Variants in GRID1 observed in about 807,000 individuals in gnomAD.
The protein encoded by GRID1 is glutamate ionotropic receptor delta type subunit 1.
GRID1 carries 28 observed loss-of-function variants against 98.0 expected under a neutral mutation model. That is an observed-to-expected ratio of 0.29 (90% CI 0.21 to 0.39). The LOEUF (loss-of-function observed/expected upper bound fraction) is 0.39. Among genes scored for constraint, GRID1 ranks in the 10% least tolerant of loss-of-function variants. The probability of loss-of-function intolerance (pLI) is 1.00; values close to 1 mark genes in which losing one functional copy is unlikely to be tolerated. For missense variants in GRID1, 1,111 were observed against 1,340.5 expected (o/e 0.83, Z 2.67); for synonymous variants, 553 against 538.5 (o/e 1.03, Z -0.37).
intron 4 of GRID1, among the ~76,000 whole-genome samples, chr10:85,990,730 C>T (rs530730387): frequency 1.3e-5 from 2 of 152,144 alleles, no homozygotes; most frequent in South Asian, 2.1e-4. Flanking sequence ...ATGGAGGCCT[C>T]TAAAAGGAGC....
intron 13 of GRID1, among the ~76,000 whole-genome samples, chr10:85,630,530 A>G (rs1043480796): frequency 1.3e-5 from 2 of 152,274 alleles, no homozygotes; most frequent in Admixed American, 1.3e-4. Flanking sequence ...CTAGTAAATT[A>G]GAAAAACTGT....
intron 2 of GRID1, among the ~76,000 whole-genome samples, chr10:86,321,891 C>G (rs978683168): frequency 2.0e-5 from 3 of 152,086 alleles, no homozygotes; most frequent in African/African-American, 7.2e-5. Context: ...CAACAGAAAC[C>G]TTCAAACACA....
At chr10:86,083,007 T>C (rs925627253) in intron 4 of GRID1, among the ~76,000 whole-genome samples, 4 of 152,192 alleles carry the variant, frequency 2.6e-5, no homozygotes, top group African/African-American at 9.7e-5. Flanking sequence ...TTCTGGAGGA[T>C]GAAAGATGTC....
chr10:86,041,322 A>T (rs1564657359), intron 4 of GRID1, among the ~76,000 whole-genome samples: 1 of 152,206 alleles, frequency 6.6e-6, no homozygotes, highest in South Asian at 2.1e-4. Flanking sequence ...CAACAGAGCA[A>T]AATGTGCATC....
chr10:85,819,461 T>C (rs181326756), intron 8 of GRID1, among the ~76,000 whole-genome samples: 1 of 152,244 alleles, frequency 6.6e-6, no homozygotes, highest in East Asian at 1.9e-4. Context: ...TGACAAAAAC[T>C]AGTAACTTTA....
intron 4 of GRID1, among the ~76,000 whole-genome samples, chr10:85,975,109 T>C (rs1842454993): frequency 1.3e-5 from 2 of 152,370 alleles, no homozygotes; most frequent in South Asian, 2.1e-4. Context: ...ATTCTCATCA[T>C]TTGCCCAAAT....
chr10:85,784,286 G>C (rs1440242976), intron 8 of GRID1, among the ~76,000 whole-genome samples: 1 of 152,156 alleles, frequency 6.6e-6, no homozygotes, highest in Non-Finnish European at 1.5e-5. Flanking sequence ...CTGAGGCTCT[G>C]ACTACATAAA....
intron 5 of GRID1, among the ~76,000 whole-genome samples, chr10:85,886,724 A>C (rs1160977700): frequency 6.6e-6 from 1 of 152,236 alleles, no homozygotes; most frequent in Non-Finnish European, 1.5e-5. Context: ...AAAGCCACAA[A>C]TAAAATAGTA....
chr10:85,720,812 A>C (rs1024253408), intron 12 of GRID1, among the ~76,000 whole-genome samples: 3 of 152,186 alleles, frequency 2.0e-5, no homozygotes, highest in African/African-American at 7.2e-5. Flanking sequence ...TCAGGCTAGG[A>C]AAAGACTTGA....
At chr10:86,215,773 C>G (rs190473692) in intron 2 of GRID1, among the ~76,000 whole-genome samples, 46 of 152,316 alleles carry the variant, frequency 3.0e-4, no homozygotes, top group African/African-American at 9.4e-4. Flanking sequence ...GCCAACTGGT[C>G]TCCCTGCCTC....
At position 85,960,995 on chromosome 10, in the gene GRID1, G is replaced by C. The variant is rs574861116; in HGVS notation, c.727-44756C>G. ...GGCTCGGTGGTAGAGTCGCACGGAG[G>C]CTGGCAAGGAGCTCTCTGTGGTGTC... On this transcript the variant is annotated intron_variant, in intron 4 of 15. Coordinates refer to ENST00000327946, the MANE Select transcript of GRID1 (RefSeq NM_017551.3). Among the ~76,000 whole-genome samples, 18 of 152,002 alleles carry C rather than the reference G, an allele frequency of 1.2e-4. No individual in the cohort carries two copies. In the South Asian group the frequency reaches 3.8e-3, roughly 32 times the overall value.
intron 13 of GRID1, among the ~76,000 whole-genome samples, chr10:85,641,608 G>A (rs1422106994): frequency 6.6e-6 from 1 of 152,234 alleles, no homozygotes; most frequent in African/African-American, 2.4e-5. Flanking sequence ...GTGAACCTTA[G>A]CCAAGTCACT....
intron 4 of GRID1, among the ~76,000 whole-genome samples, chr10:86,079,067 G>A (rs570989239): frequency 1.1e-4 from 16 of 152,258 alleles, no homozygotes; most frequent in African/African-American, 2.6e-4. Flanking sequence ...CTCATCCCCC[G>A]CACACAGCAT....
intron 4 of GRID1, among the ~76,000 whole-genome samples, chr10:86,034,834 T>C (rs1564655677): frequency 6.6e-6 from 1 of 151,816 alleles, no homozygotes; most frequent in Non-Finnish European, 1.5e-5. Context: ...TACTGATGAA[T>C]GGATGCAATG....
intron 3 of GRID1, among the ~76,000 whole-genome samples, chr10:86,172,068 C>T (rs60441367): frequency 6.6e-6 from 1 of 151,950 alleles, no homozygotes; most frequent in Non-Finnish European, 1.5e-5. Context: ...TATATTCAGA[C>T]TCTTGCAACC....
chr10:85,856,513 G>T (rs181178017), intron 6 of GRID1, among the ~76,000 whole-genome samples: 63 of 152,328 alleles, frequency 4.1e-4, no homozygotes, highest in African/African-American at 1.1e-3. Context: ...TGGAGGGAAG[G>T]ATAAGCAGAA....
intron 5 of GRID1, among the ~76,000 whole-genome samples, chr10:85,874,628 C>T (rs934007563): frequency 2.6e-5 from 4 of 152,126 alleles, no homozygotes; most frequent in African/African-American, 7.2e-5. Flanking sequence ...ATCTTCTCCA[C>T]GTTCAGGAAT....
chr10:85,822,900 A>T (rs1008881378), intron 8 of GRID1, among the ~76,000 whole-genome samples: 17 of 152,230 alleles, frequency 1.1e-4, no homozygotes, highest in Admixed American at 1.1e-3. Context: ...GACATGGATG[A>T]AGCTAGAAAC....
intron 6 of GRID1, 31 bp downstream of exon 6, chr10:85,868,979 G>GT (rs1460812395): frequency 1.3e-6 from 2 of 1,595,638 alleles, no homozygotes; most frequent in Non-Finnish European, 1.7e-6. Context: ...TCTTGGTGGA[G>GT]GGGACTGGAG....
Sources: gnomAD v4.1 joint callset for allele counts (sites outside exome capture counted in the v4.1 genomes callset) on GRCh38, gnomAD v4.1.1 for gene constraint, MANE v1.5 for transcripts, NCBI Gene and HGNC (gene_info 2026-07-23, HGNC 2026-07-21) for gene names.